The following PAPSS2 variants were observed in gnomAD, a reference collection of about 807,000 sequenced individuals.
PAPSS2 encodes the protein 3'-phosphoadenosine 5'-phosphosulfate synthase 2, also known as bifunctional 3'-phosphoadenosine 5'-phosphosulfate synthase 2.
Under a neutral mutation model 66.5 loss-of-function variants are expected in PAPSS2, and 61 were observed. The observed-to-expected ratio is 0.92, with a 90% CI of 0.75 to 1.14. The LOEUF is 1.14. Ranked by LOEUF, PAPSS2 falls within the 50% of genes most tolerant of loss-of-function variation. PAPSS2 has a pLI of 0.00. For synonymous variants in PAPSS2, 289 were observed against 287.5 expected, an observed-to-expected ratio of 1.01 and a Z score of -0.05; for missense variants, 708 against 789.6, an observed-to-expected ratio of 0.90 and a Z score of 1.24.
At chr10:87,730,505 T>C (rs956591471) in intron 9 of PAPSS2, among the ~76,000 whole-genome samples, 1 of 152,188 alleles carries the variant, frequency 6.6e-6, no homozygotes, top group Admixed American at 6.5e-5. Flanking sequence ...AAGTCTCAGT[T>C]AATGTTTCCT....
At chr10:87,717,508 G>A (rs574279084) in intron 7 of PAPSS2, among the ~76,000 whole-genome samples, 8 of 152,036 alleles carry the variant, frequency 5.3e-5, no homozygotes, top group Non-Finnish European at 7.4e-5. Flanking sequence ...GAAGGAAGGA[G>A]CATTTTCCTG....
In PAPSS2 at chr10:87,677,756, T is replaced by C. The variant is rs192829125; in HGVS notation, c.27+17748T>C. Among the ~76,000 whole-genome samples the C allele has an allele frequency of 9.2e-5, 14 of 152,370 alleles. No homozygotes were observed. The East Asian group carries it at 2.3e-3, about 25-fold the overall frequency. ...AGCTACCCACTATCTCTTTATATAATGACAGCATCCACTATGTAAGATTTA... is the reference window on the plus strand; with the variant it reads ...AGCTACCCACTATCTCTTTATATAACGACAGCATCCACTATGTAAGATTTA... On this transcript the variant is annotated intron_variant, in intron 1 of 12. Coordinates refer to ENST00000456849, the MANE Select transcript of PAPSS2 (RefSeq NM_001015880.2).
intron 9 of PAPSS2, among the ~76,000 whole-genome samples, chr10:87,735,924 G>A (rs115622398): frequency 0.015 from 2,221 of 152,242 alleles, 57 homozygotes; most frequent in African/African-American, 0.051. Flanking sequence ...TGGCCATAAT[G>A]GGGACTGTGA....
At chr10:87,744,741 G>A (rs934757860) in intron 11 of PAPSS2, among the ~76,000 whole-genome samples, 14 of 152,134 alleles carry the variant, frequency 9.2e-5, no homozygotes, top group African/African-American at 2.4e-4. Context: ...GTTCTTGTCC[G>A]GCTAGCCTGT....
intron 1 of PAPSS2, among the ~76,000 whole-genome samples, chr10:87,684,372 T>TA (rs994367063): frequency 2.6e-4 from 40 of 152,328 alleles, no homozygotes; most frequent in African/African-American, 9.6e-4. Flanking sequence ...GTTGCAAAGG[T>TA]AAGCTATATT....
chr10:87,701,277 C>CTT (rs11442868), intron 1 of PAPSS2, among the ~76,000 whole-genome samples: 1 of 129,722 alleles, frequency 7.7e-6, no homozygotes, highest in Admixed American at 7.8e-5. Flanking sequence ...CTTCCTTTCT[C>CTT]TTTTTTCTTT....
intron 1 of PAPSS2, among the ~76,000 whole-genome samples, chr10:87,665,653 C>T (rs762978748): frequency 3.7e-4 from 57 of 152,186 alleles, no homozygotes; most frequent in Admixed American, 1.1e-3. Context: ...TTGTCCTTGC[C>T]GTCTCTCTGA....
rs1185230036 is a variant in PAPSS2 at position 87,743,519 on chromosome 10, G to A, written c.1369G>A (p.Asp457Asn). The A allele has an allele frequency of 3.1e-6, 5 of 1,614,028 alleles. No individual in the cohort carries two copies. Among genetic ancestry groups the A allele is most frequent in the South Asian group, 1.1e-5 (1 of 91,086 alleles). The change falls in exon 11 of 13, where the codon GAT (aspartate) becomes AAT (asparagine). Residue 457 changes from aspartate (D) to asparagine (N), a missense_variant. Physicochemically the swap from Asp to Asn is conservative, Grantham distance 23. Transcript: ENST00000456849. ...TCTGGGCGGCTGGACCAAGGATGAC[G>A]ATGTGCCTCTAGACTGGCGGATGAA... ...HPLGGWTKDD[D>N]VPLDWRMKQH...
Position 87,726,858 on chromosome 10 carries a change from G to T in PAPSS2, c.881-426G>T, listed in dbSNP as rs533626815. 7.2e-5 allele frequency among the ~76,000 whole-genome samples: 11 copies of T among 152,264 alleles called. 1 individual carries two copies. Among genetic ancestry groups the T allele is most frequent in the African/African-American group, 2.6e-4 (11 of 41,550 alleles). ...TAATGAAATAAGAGACTTGCTTAAC[G>T]TTCTTACAAGTTTCATTTCCAAGAA... On this transcript the variant is annotated intron_variant, in intron 8 of 12. Transcript: ENST00000456849.
chr10:87,708,350 CA>C (rs1336221431), intron 1 of PAPSS2, among the ~76,000 whole-genome samples: 4 of 152,150 alleles, frequency 2.6e-5, no homozygotes, highest in Non-Finnish European at 5.9e-5. Flanking sequence ...AAAGTGGAAA[CA>C]GTTTAGTTCT....
At chr10:87,695,486 C>T (rs1392323145) in intron 1 of PAPSS2, among the ~76,000 whole-genome samples, 5 of 152,154 alleles carry the variant, frequency 3.3e-5, no homozygotes, top group Non-Finnish European at 7.4e-5. Flanking sequence ...GGGGAGGACC[C>T]GCAACAAGTT....
At position 87,741,369 on chromosome 10, in the gene PAPSS2, T is replaced by C. The variant is rs776124023; in HGVS notation, c.1221T>C (p.Ala407=). Residue 407 remains alanine, a splice_region_variant and synonymous_variant, in exon 10 of 13, where the codon GCT becomes GCC. Transcript: ENST00000456849. ...ELKQKCKEMN[A]DAVFAFQLRN... Reference sequence around the variant, plus strand: ...AACAGAAATGTAAAGAAATGAATGCTGGTATGTAAACTGTTCTTAGTGCAT... The same window carrying C: ...AACAGAAATGTAAAGAAATGAATGCCGGTATGTAAACTGTTCTTAGTGCAT... The C allele has an allele frequency of 2.5e-6, 4 of 1,611,046 alleles. No individual in the cohort carries two copies. Among genetic ancestry groups the C allele is most frequent in the Non-Finnish European group, 3.4e-6 (4 of 1,177,204 alleles).
chr10:87,723,485 T>C (rs984168814), intron 8 of PAPSS2, among the ~76,000 whole-genome samples: 4 of 152,194 alleles, frequency 2.6e-5, no homozygotes, highest in African/African-American at 9.6e-5. Flanking sequence ...GGAGAACTGC[T>C]GCCTTTGAAT....
At chr10:87,706,108 A>ATATATATGTGTGTGTGTGTGTGTG in intron 1 of PAPSS2, among the ~76,000 whole-genome samples, 17 of 52,016 alleles carry the variant, frequency 3.3e-4, no homozygotes, top group African/African-American at 1.4e-3. Context: ...ATATATATAT[A>ATATATATGTGTGTGTGTGTGTGTG]TGTGTGTGTG....
intron 10 of PAPSS2, 47 bp from the exon 11 acceptor site, chr10:87,743,326 A>C: frequency 6.3e-7 from 1 of 1,592,192 alleles, no homozygotes. Flanking sequence ...TGGAGAAATG[A>C]CACCATGTGT....
chr10:87,746,417 T>A lies in PAPSS2; in HGVS notation c.*447T>A, dbSNP rs537566556. On this transcript the variant is annotated 3_prime_UTR_variant, in exon 13 of 13. Coordinates refer to ENST00000456849, the MANE Select transcript of PAPSS2 (RefSeq NM_001015880.2). ...TCTGTACAATTGACAAAAAAAAAAA[T>A]TTTTTTTTCTCACTCTAAAAGAGGT... is the stretch of plus-strand genomic sequence containing the variant. The A allele has an allele frequency of 0.021, 3,219 of 151,378 alleles. 97 individuals are homozygous for A. Among genetic ancestry groups the A allele is most frequent in the African/African-American group, 0.073 (2,915 of 39,942 alleles). The allele number at this position is 151,378 out of a possible 1,614,324, so 9.4% of individuals were successfully genotyped here.
intron 9 of PAPSS2, among the ~76,000 whole-genome samples, chr10:87,733,257 C>T (rs1388665404): frequency 1.3e-5 from 2 of 152,182 alleles, no homozygotes; most frequent in Non-Finnish European, 2.9e-5. Flanking sequence ...CTTGACCTTC[C>T]ATTCAAGGCA....
intron 9 of PAPSS2, among the ~76,000 whole-genome samples, chr10:87,738,332 TAACA>T (rs1853825202): frequency 6.6e-6 from 1 of 152,196 alleles, no homozygotes; most frequent in South Asian, 2.1e-4. Flanking sequence ...ACAATCCCAC[TAACA>T]GTGTACAAGG....
intron 1 of PAPSS2, among the ~76,000 whole-genome samples, chr10:87,688,026 T>C (rs1438423774): frequency 6.6e-6 from 1 of 152,200 alleles, no homozygotes; most frequent in East Asian, 1.9e-4. Flanking sequence ...ATATTTAATA[T>C]TCATTTCTGT....
Sources: allele counts gnomAD v4.1 joint callset (sites outside exome capture counted in the v4.1 genomes callset), GRCh38; gene constraint gnomAD v4.1.1; transcripts MANE v1.5; gene names NCBI Gene and HGNC (gene_info 2026-07-23, HGNC 2026-07-21).